ARHGAP44: variants seen among roughly 807,000 people sequenced by gnomAD.
ARHGAP44 encodes rho GTPase-activating protein 44.
ARHGAP44 carries 43 observed loss-of-function variants against 106.8 expected under a neutral mutation model. The ratio of observed to expected loss-of-function variants is 0.40; its 90% CI spans 0.32 to 0.52. The LOEUF (loss-of-function observed/expected upper bound fraction) is 0.52. Ranked by LOEUF, ARHGAP44 falls within the 20% of genes least tolerant of loss-of-function variation. ARHGAP44 has a pLI of 0.48. For synonymous variants in ARHGAP44, 439 were observed against 410.3 expected (o/e 1.07, Z -0.85); for missense variants, 866 against 1,050.5 (o/e 0.82, Z 2.43).
At chr17:12,839,678 C>T (rs2035337317) in intron 1 of ARHGAP44, among the ~76,000 whole-genome samples, 4 of 152,126 alleles carry the variant, frequency 2.6e-5, no homozygotes, top group Admixed American at 6.6e-5. Context: ...CCCTAGGCTT[C>T]GAGTGCTTTT....
chr17:12,974,221 G>C lies in ARHGAP44; in HGVS notation c.1674G>C (p.Ser558=), dbSNP rs1281852078. Residue 558 remains serine (S), a synonymous_variant, in exon 18 of 21, where the codon TCG becomes TCC. Transcript: ENST00000379672. The part of the protein sequence containing the change: ...PPAELAAPLP[S]PLPEQPLDSP... ...CCGAGCTGGCTGCGCCCCTGCCTTC[G>C]CCGCTGCCGGAGCAGCCCCTGGACA... The C allele has an allele frequency of 6.5e-7, 1 of 1,546,230 alleles. No homozygotes were observed. The highest frequency in any genetic ancestry group is 8.7e-7 in the Non-Finnish European group (1 of 1,145,596).
Position 12,896,453 on chromosome 17 carries a change from A to T in ARHGAP44, c.140A>T (p.His47Leu). 2 of 1,610,136 alleles carry T rather than the reference A, an allele frequency of 1.2e-6. No homozygotes were observed. Among genetic ancestry groups the T allele is most frequent in the Non-Finnish European group, 1.7e-6 (2 of 1,178,502 alleles). ...GTGAAACAGGTGTCCCACAGCACGC[A>T]CAAGAAGCTCACCGCATGTCTGCAG... ...ELVKQVSHST[H>L]KKLTACLQGQ... The change falls in exon 3 of 21, where the codon CAC becomes CTC. Residue 47 changes from histidine (H) to leucine (L), a missense_variant. Around this residue, in one of 2 missense-constraint regions of ARHGAP44, gnomAD observed 448 missense variants for 646.9 expected, o/e 0.69. Coordinates refer to ENST00000379672, the MANE Select transcript of ARHGAP44 (RefSeq NM_014859.6).
intron 1 of ARHGAP44, among the ~76,000 whole-genome samples, chr17:12,852,685 G>T (rs2035789416): frequency 1.3e-5 from 2 of 151,988 alleles, no homozygotes; most frequent in Admixed American, 6.6e-5. Flanking sequence ...GGGACTACAG[G>T]TGCCTGCCAC....
Position 12,990,861 on chromosome 17 carries a change from AAAAC to A in ARHGAP44, c.*694_*697del, listed in dbSNP as rs1163009202. 1.3e-5 allele frequency: 2 copies of A among 152,192 alleles called. No homozygotes were observed. Among genetic ancestry groups the A allele is most frequent in the African/African-American group, 2.4e-5 (1 of 41,420 alleles). The allele number at this position is 152,192 out of a possible 1,614,324, so 9.4% of individuals were successfully genotyped here. On this transcript the variant is annotated 3_prime_UTR_variant, in exon 21 of 21. Coordinates refer to ENST00000379672, the MANE Select transcript of ARHGAP44 (RefSeq NM_014859.6). ...TATCATTTTATATTTCTGAATCTAT[AAAAC>A]AAAACAAACAAGCCTGACAGTGTCT...
At position 12,958,753 on chromosome 17, in the gene ARHGAP44, C is replaced by T. The variant is rs974511189; in HGVS notation, c.1379C>T (p.Pro460Leu). 4 of 1,613,774 alleles carry T rather than the reference C, an allele frequency of 2.5e-6. No individual in the cohort carries two copies. Among genetic ancestry groups the T allele is most frequent in the Non-Finnish European group, 3.4e-6 (4 of 1,179,884 alleles). Residue 460 changes from proline (P) to leucine (L), a missense_variant, in exon 16 of 21, where the codon CCA (proline) becomes CTA (leucine). Around this residue, in one of 2 missense-constraint regions of ARHGAP44, gnomAD observed 448 missense variants for 646.9 expected, o/e 0.69. Transcript: ENST00000379672. This position sits in a 1 kb window ranked among gnomAD's most constrained non-coding sequence, Gnocchi z 4.1. ...AACATTACTGGCAATTATGGGAGTC[C>T]AGTACACGTGAACCATAATGCCAAC... ...EFNITGNYGS[P>L]VHVNHNANYS...
intron 19 of ARHGAP44, among the ~76,000 whole-genome samples, chr17:12,983,542 C>T (rs549031983): frequency 1.3e-3 from 193 of 152,302 alleles, no homozygotes; most frequent in South Asian, 4.4e-3. Context: ...TGGTGGCTTA[C>T]GCCTGTAATC....
At chr17:12,937,624 T>TG (rs1428646833) in intron 7 of ARHGAP44, among the ~76,000 whole-genome samples, 1 of 152,230 alleles carries the variant, frequency 6.6e-6, no homozygotes, top group Non-Finnish European at 1.5e-5. Context: ...ATCTAAGAGT[T>TG]GTTGAGTTTC....
chr17:12,880,726 A>G (rs1462931856), intron 1 of ARHGAP44, among the ~76,000 whole-genome samples: 1 of 152,060 alleles, frequency 6.6e-6, no homozygotes, highest in Non-Finnish European at 1.5e-5. Context: ...AGTATAGTGG[A>G]AAAGATTAGT....
At chr17:12,802,478 G>A (rs921589498) in intron 1 of ARHGAP44, among the ~76,000 whole-genome samples, 2 of 152,082 alleles carry the variant, frequency 1.3e-5, no homozygotes, top group African/African-American at 2.4e-5. Flanking sequence ...AGTCTAGTTC[G>A]TTAAGTCCGA....
chr17:12,871,952 C>A (rs1489510379), intron 1 of ARHGAP44, among the ~76,000 whole-genome samples: 1 of 152,092 alleles, frequency 6.6e-6, no homozygotes, highest in African/African-American at 2.4e-5. Context: ...AACTTTTTTT[C>A]TTTATGAATT....
intron 1 of ARHGAP44, among the ~76,000 whole-genome samples, chr17:12,857,773 T>G (rs983974864): frequency 1.9e-4 from 7 of 37,602 alleles, no homozygotes; most frequent in Admixed American, 2.9e-4. Flanking sequence ...ATGTTATTTA[T>G]TTATTTATTT....
intron 7 of ARHGAP44, among the ~76,000 whole-genome samples, chr17:12,935,810 CAAAAAGAATGAAA>C (rs1032213201): frequency 2.0e-5 from 3 of 151,574 alleles, no homozygotes; most frequent in African/African-American, 7.3e-5. Context: ...AGGTGAGAGC[CAAAAAGAATGAAA>C]GAAAAGATGG....
At chr17:12,981,479 C>T (rs1225079743) in intron 19 of ARHGAP44, among the ~76,000 whole-genome samples, 1 of 151,766 alleles carries the variant, frequency 6.6e-6, no homozygotes, top group Non-Finnish European at 1.5e-5. Context: ...CTCACTGCAA[C>T]CTCCGCCTCC....
In ARHGAP44 at chr17:12,878,203, T is replaced by C. The variant is rs2036616367; in HGVS notation, c.54-16737T>C. Among the ~76,000 whole-genome samples, 4 of 152,306 alleles carry C rather than the reference T, an allele frequency of 2.6e-5. No homozygotes were observed. The South Asian group carries it at 8.3e-4, about 32-fold the overall frequency. Reference sequence around the variant, plus strand: ...TGGAAATTATTGTATTCAGTGTTTCTCTAACTCGTTTGTTCACAGAACCTT... The same window carrying C: ...TGGAAATTATTGTATTCAGTGTTTCCCTAACTCGTTTGTTCACAGAACCTT... On this transcript the variant is annotated intron_variant, in intron 1 of 20. Transcript: ENST00000379672.
intron 1 of ARHGAP44, among the ~76,000 whole-genome samples, chr17:12,893,950 A>G (rs1293089884): frequency 1.3e-5 from 2 of 152,108 alleles, no homozygotes; most frequent in Admixed American, 1.3e-4. Flanking sequence ...TCTCCTTTTC[A>G]GGGTCTTACG....
intron 1 of ARHGAP44, among the ~76,000 whole-genome samples, chr17:12,843,539 T>A (rs575554253): frequency 1.2e-4 from 19 of 152,266 alleles, no homozygotes; most frequent in African/African-American, 4.6e-4. Flanking sequence ...TTGATTTGCA[T>A]CGTGTTTTCC....
chr17:12,865,721 G>A (rs944011278), intron 1 of ARHGAP44, among the ~76,000 whole-genome samples: 4 of 151,458 alleles, frequency 2.6e-5, no homozygotes, highest in African/African-American at 7.3e-5. Flanking sequence ...CCTGGGAGGC[G>A]GAGCTTGCAA....
At chr17:12,856,128 T>C (rs775088509) in intron 1 of ARHGAP44, among the ~76,000 whole-genome samples, 2 of 152,246 alleles carry the variant, frequency 1.3e-5, no homozygotes, top group Non-Finnish European at 2.9e-5. Flanking sequence ...CCACATCTCC[T>C]ATTTTCTTCT....
At chr17:12,973,275 A>G in intron 16 of ARHGAP44, 27 bp from the exon 17 acceptor site, 1 of 1,601,684 alleles carries the variant, frequency 6.2e-7, no homozygotes, top group Non-Finnish European at 8.5e-7. Flanking sequence ...TTTTGAAACT[A>G]ATATCTGTAT....
Sources: allele counts gnomAD v4.1 joint callset (sites outside exome capture counted in the v4.1 genomes callset), GRCh38; gene constraint gnomAD v4.1.1; regional missense constraint gnomAD v4.1.1; non-coding constraint Gnocchi (gnomAD v3.1); transcripts MANE v1.5; gene names NCBI Gene and HGNC (gene_info 2026-07-23, HGNC 2026-07-21).